RORA: variants seen among roughly 807,000 people sequenced by gnomAD.
RORA encodes RAR related orphan receptor A.
A neutral mutation model predicts 69.5 loss-of-function variants in RORA; 7 were observed. The ratio of observed to expected loss-of-function variants is 0.10; its 90% CI spans 0.06 to 0.19. The LOEUF (loss-of-function observed/expected upper bound fraction) is 0.19, where lower values mean the gene tolerates loss of function less well. Among genes scored for constraint, RORA ranks in the 10% least tolerant of loss-of-function variants. The pLI is 1.00. For synonymous variants in RORA, 261 were observed against 240.8 expected (o/e 1.08, Z -0.78); for missense variants, 457 against 663.0 (o/e 0.69, Z 3.41).
chr15:60,551,999 C>T (rs2067239495), intron 2 of RORA, among the ~76,000 whole-genome samples: 1 of 152,196 alleles, frequency 6.6e-6, no homozygotes, highest in Admixed American at 6.5e-5. Flanking sequence ...GGTTGAACTT[C>T]GGTAGCCACA....
chr15:60,698,630 GT>G (rs34961839), intron 1 of RORA, among the ~76,000 whole-genome samples: 62,943 of 112,378 alleles, frequency 0.56, 14,438 homozygotes, highest in Admixed American at 0.67. Flanking sequence ...TGGCATTTGT[GT>G]TTTTTTTTTT....
intron 1 of RORA, among the ~76,000 whole-genome samples, chr15:61,152,989 A>G (rs984478597): frequency 2.6e-5 from 4 of 152,176 alleles, no homozygotes; most frequent in African/African-American, 9.7e-5. Context: ...ATTTTAGAGG[A>G]AGACAAGTCA....
chr15:61,143,163 A>G (rs974444063), intron 1 of RORA, among the ~76,000 whole-genome samples: 1 of 152,202 alleles, frequency 6.6e-6, no homozygotes, highest in African/African-American at 2.4e-5. Flanking sequence ...TAGTACACAT[A>G]AATAGCTTAT....
chr15:60,692,702 G>A (rs2070845950), intron 1 of RORA, among the ~76,000 whole-genome samples: 1 of 152,136 alleles, frequency 6.6e-6, no homozygotes, highest in South Asian at 2.1e-4. Flanking sequence ...TTCCACTGTT[G>A]CCCCTCTTTG....
chr15:60,717,774 CT>C (rs1216637845), intron 1 of RORA, among the ~76,000 whole-genome samples: 3 of 140,138 alleles, frequency 2.1e-5, no homozygotes, highest in Non-Finnish European at 4.7e-5. Context: ...GTCACATCTT[CT>C]TCTTTCTTTT....
At chr15:60,519,155 A>C (rs906680697) in intron 3 of RORA, among the ~76,000 whole-genome samples, 12 of 152,152 alleles carry the variant, frequency 7.9e-5, no homozygotes, top group African/African-American at 2.9e-4. Flanking sequence ...CATGAGGCTA[A>C]GGGGGGACTA....
intron 2 of RORA, among the ~76,000 whole-genome samples, chr15:60,651,997 G>A (rs1376899066): frequency 6.6e-6 from 1 of 152,126 alleles, no homozygotes; most frequent in African/African-American, 2.4e-5. Flanking sequence ...TCAAAGAGGG[G>A]TGTCCTTTTA....
intron 1 of RORA, among the ~76,000 whole-genome samples, chr15:60,728,986 G>A (rs1037326640): frequency 4.6e-5 from 7 of 152,160 alleles, no homozygotes; most frequent in African/African-American, 7.2e-5. Context: ...GAGCTAATAC[G>A]TTGTTATATC....
chr15:60,889,137 T>C (rs895338859), intron 1 of RORA, among the ~76,000 whole-genome samples: 11 of 152,306 alleles, frequency 7.2e-5, no homozygotes, highest in Non-Finnish European at 1.5e-4. Context: ...TTATGCTGTG[T>C]TTACCCCACC....
At chr15:60,525,616 A>G (rs1879254251) in intron 3 of RORA, among the ~76,000 whole-genome samples, 1 of 152,216 alleles carries the variant, frequency 6.6e-6, no homozygotes, top group Admixed American at 6.5e-5. Flanking sequence ...TTGACAACCA[A>G]GATTTATTCA....
At chr15:60,814,724 G>A (rs2072786568) in intron 1 of RORA, among the ~76,000 whole-genome samples, 1 of 152,098 alleles carries the variant, frequency 6.6e-6, no homozygotes, top group African/African-American at 2.4e-5. Flanking sequence ...ACCTGGCTTT[G>A]TTTGCCATTT....
At chr15:61,142,203 C>A (rs1455455578) in intron 1 of RORA, among the ~76,000 whole-genome samples, 1 of 151,960 alleles carries the variant, frequency 6.6e-6, no homozygotes, top group Non-Finnish European at 1.5e-5. Flanking sequence ...TGTGGATTCC[C>A]AGAGTGTTTC....
intron 1 of RORA, among the ~76,000 whole-genome samples, chr15:61,125,690 G>C (rs2079137013): frequency 6.6e-6 from 1 of 152,152 alleles, no homozygotes; most frequent in East Asian, 1.9e-4. Flanking sequence ...TGTTTAGCAA[G>C]AATTTTCTTG....
intron 1 of RORA, among the ~76,000 whole-genome samples, chr15:60,915,146 T>C (rs1891834905): frequency 6.6e-6 from 1 of 152,206 alleles, no homozygotes; most frequent in Admixed American, 6.5e-5. Context: ...AATATGTTCC[T>C]CTGGATTTTA....
chr15:60,494,091 G>C lies in RORA; in HGVS notation c.*3364C>G, dbSNP rs560638901. On this transcript the variant is annotated 3_prime_UTR_variant, in exon 11 of 11. Transcript: ENST00000335670. ...ACTTAGAAGCAGTGTCTTAAGTCAT[G>C]TTTTTCTTAAGTTAGAAAGGGTGAA... is the stretch of plus-strand genomic sequence containing the variant. The C allele has an allele frequency of 6.6e-6, 1 of 151,838 alleles. No individual in the cohort carries two copies. Among genetic ancestry groups the C allele is most frequent in the Middle Eastern group, 3.4e-3 (1 of 296 alleles). The allele number at this position is 151,838 out of a possible 1,614,324, so 9.4% of individuals were successfully genotyped here. A position where few individuals can be genotyped will look rare whatever the true frequency, so the allele number is the denominator to read the frequency against.
chr15:61,043,707 A>G (rs1896891287), intron 1 of RORA, among the ~76,000 whole-genome samples: 2 of 152,148 alleles, frequency 1.3e-5, no homozygotes, highest in Admixed American at 1.3e-4. Flanking sequence ...ACCTTCTAAT[A>G]TACTTATAAA....
chr15:60,894,600 C>T (rs945989791), intron 1 of RORA, among the ~76,000 whole-genome samples: 3 of 152,216 alleles, frequency 2.0e-5, no homozygotes, highest in Non-Finnish European at 4.4e-5. Flanking sequence ...AAAACTGCCG[C>T]TCAAACGCTA....
chr15:60,795,374 G>A (rs1283009445), intron 1 of RORA, among the ~76,000 whole-genome samples: 2 of 152,206 alleles, frequency 1.3e-5, no homozygotes, highest in Non-Finnish European at 2.9e-5. Context: ...TGGGCTGCTT[G>A]AGATGTAGAA....
At position 60,842,861 on chromosome 15, in the gene RORA, G is replaced by A. The variant is rs953278963; in HGVS notation, c.167-164175C>T. ...TGGATAAAGAAGACACGCAGCCCAG[G>A]AAGCTTCAAGTAGATGGGCAGTGAG... On this transcript the variant is annotated intron_variant, in intron 1 of 10. Transcript: ENST00000335670. 5.3e-5 allele frequency among the ~76,000 whole-genome samples: 8 copies of A among 152,160 alleles called. No individual in the cohort carries two copies. The South Asian group carries it at 1.7e-3, about 32-fold the overall frequency.
Sources: gnomAD v4.1 joint callset for allele counts (sites outside exome capture counted in the v4.1 genomes callset) on GRCh38, gnomAD v4.1.1 for gene constraint, MANE v1.5 for transcripts, NCBI Gene and HGNC (gene_info 2026-07-23, HGNC 2026-07-21) for gene names.